The following HS3ST3A1 variants were observed in gnomAD, a reference collection of about 807,000 sequenced individuals.
HS3ST3A1 encodes the protein heparan sulfate-glucosamine 3-sulfotransferase 3A1.
Under a neutral mutation model 25.7 loss-of-function variants are expected in HS3ST3A1, and 19 were observed. That is an observed-to-expected ratio of 0.74 (90% CI 0.52 to 1.08). The LOEUF is 1.08. HS3ST3A1 is among the 50% of genes least tolerant of loss of function. HS3ST3A1 has a pLI of 0.00. For synonymous variants in HS3ST3A1, 226 were observed against 278.6 expected, an observed-to-expected ratio of 0.81 and a Z score of 1.88; for missense variants, 459 against 594.3, an observed-to-expected ratio of 0.77 and a Z score of 2.37.
At chr17:13,588,012 G>A (rs1306781879) in intron 1 of HS3ST3A1, among the ~76,000 whole-genome samples, 1 of 152,146 alleles carries the variant, frequency 6.6e-6, no homozygotes, top group African/African-American at 2.4e-5. Context: ...TTAGCTGCGG[G>A]TGCTCACCTG....
At position 13,601,293 on chromosome 17, in the gene HS3ST3A1, G is replaced by C. The variant is rs897569748; in HGVS notation, c.-164C>G. The C allele has an allele frequency of 5.6e-6, 3 of 537,890 alleles. No individual in the cohort carries two copies. The highest frequency in any genetic ancestry group is 9.4e-6 in the Non-Finnish European group (3 of 320,732). The allele number at this position is 537,890 out of a possible 1,614,324, so 33.3% of individuals were successfully genotyped here. A position where few individuals can be genotyped will look rare whatever the true frequency, so the allele number is the denominator to read the frequency against. On this transcript the variant is annotated 5_prime_UTR_variant, in exon 1 of 2. Coordinates refer to ENST00000284110, the MANE Select transcript of HS3ST3A1 (RefSeq NM_006042.3). Reference sequence around the variant, plus strand: ...CCCGGGAGGCAGCGGCCGGGGCTCCGCGGGGAAACGGAATCCCGGGGGCCC... The same window carrying C: ...CCCGGGAGGCAGCGGCCGGGGCTCCCCGGGGAAACGGAATCCCGGGGGCCC...
At chr17:13,547,845 G>C (rs1196344659) in intron 1 of HS3ST3A1, among the ~76,000 whole-genome samples, 1 of 151,390 alleles carries the variant, frequency 6.6e-6, no homozygotes, top group African/African-American at 2.4e-5. Context: ...TTAACTCCAG[G>C]GATAGGATGC....
At position 13,543,136 on chromosome 17, in the gene HS3ST3A1, G is replaced by A. The variant is rs538976470; in HGVS notation, c.600-46318C>T. On this transcript the variant is annotated intron_variant, in intron 1 of 1. Transcript: ENST00000284110. ...AGTGGGTCAACATAAGTGTTTCCCC[G>A]AGTTCTGTGAGCCACTCTAGCAAAT... Among the ~76,000 whole-genome samples, 10 of 152,252 alleles carry A rather than the reference G, an allele frequency of 6.6e-5. No homozygotes were observed. The East Asian group carries it at 1.2e-3, about 18-fold the overall frequency.
At chr17:13,515,777 T>G (rs896963951) in intron 1 of HS3ST3A1, among the ~76,000 whole-genome samples, 7 of 152,216 alleles carry the variant, frequency 4.6e-5, no homozygotes, top group African/African-American at 1.2e-4. Context: ...TGAGGGTTTC[T>G]TTTGCTCCAC....
intron 1 of HS3ST3A1, among the ~76,000 whole-genome samples, chr17:13,497,665 A>T (rs1338032705): frequency 6.6e-6 from 1 of 152,252 alleles, no homozygotes; most frequent in East Asian, 1.9e-4. Context: ...GTCAAAACAC[A>T]TGAACAGGAG....
chr17:13,551,980 C>G (rs1367619338), intron 1 of HS3ST3A1, among the ~76,000 whole-genome samples: 3 of 152,234 alleles, frequency 2.0e-5, no homozygotes, highest in Non-Finnish European at 4.4e-5. Context: ...TCTATTCCCA[C>G]CTGCACAGGA....
chr17:13,516,632 G>A (rs1370075918), intron 1 of HS3ST3A1, among the ~76,000 whole-genome samples: 2 of 152,144 alleles, frequency 1.3e-5, no homozygotes, highest in Non-Finnish European at 2.9e-5. Flanking sequence ...AATTTTTACT[G>A]TTATTGTGAA....
intron 1 of HS3ST3A1, among the ~76,000 whole-genome samples, chr17:13,552,407 T>C (rs1244347557): frequency 6.6e-6 from 1 of 152,170 alleles, no homozygotes; most frequent in African/African-American, 2.4e-5. Context: ...AATTTTCCCT[T>C]GGCTGACCAC....
intron 1 of HS3ST3A1, among the ~76,000 whole-genome samples, chr17:13,574,134 C>CTT (rs557193269): frequency 0.15 from 19,208 of 125,894 alleles, 1,870 homozygotes; most frequent in East Asian, 0.27. Flanking sequence ...CCATATCACT[C>CTT]TTTTTTTTTT....
chr17:13,546,231 C>A (rs546944817), intron 1 of HS3ST3A1, among the ~76,000 whole-genome samples: 1 of 152,112 alleles, frequency 6.6e-6, no homozygotes, highest in African/African-American at 2.4e-5. Flanking sequence ...CCTCTGAAAC[C>A]ATTTCTACAA....
At chr17:13,567,469 G>C (rs769707090) in intron 1 of HS3ST3A1, among the ~76,000 whole-genome samples, 10 of 152,190 alleles carry the variant, frequency 6.6e-5, no homozygotes, top group Non-Finnish European at 1.2e-4. Flanking sequence ...TACTTTGTAA[G>C]GCTATAGCTA....
At chr17:13,536,517 A>G (rs1006037033) in intron 1 of HS3ST3A1, among the ~76,000 whole-genome samples, 5 of 152,206 alleles carry the variant, frequency 3.3e-5, no homozygotes, top group African/African-American at 1.2e-4. Context: ...AAAAACAGGA[A>G]GGGGAAAGTT....
Position 13,496,295 on chromosome 17 carries a change from T to A in HS3ST3A1, c.1123A>T (p.Ile375Phe). 6.4e-7 allele frequency: 1 copy of A among 1,554,122 alleles called. No homozygotes were observed. The highest frequency in any genetic ancestry group is 8.7e-7 in the Non-Finnish European group (1 of 1,153,856). Residue 375 changes from isoleucine (I) to phenylalanine (F), a missense_variant, in exon 2 of 2, where the codon ATC becomes TTC. Ile to Phe is a conservative substitution (Grantham distance 21). Transcript: ENST00000284110. ...GKTKGRTHPEIDREVVRRLRE... is the reference protein window; with the variant it reads ...GKTKGRTHPEFDREVVRRLRE... ...AGCCTGCGCACCACCTCGCGGTCGATCTCAGGATGGGTCCTGCCCTTGGTC... is the reference window on the plus strand; with the variant it reads ...AGCCTGCGCACCACCTCGCGGTCGAACTCAGGATGGGTCCTGCCCTTGGTC...
chr17:13,543,413 A>G (rs1906991646), intron 1 of HS3ST3A1: 1 of 131,316 alleles, frequency 7.6e-6, no homozygotes. Context: ...AGTAGAGAAA[A>G]AATATTTTTT....
At position 13,571,431 on chromosome 17, in the gene HS3ST3A1, C is replaced by G. The variant is rs572450898; in HGVS notation, c.599+29100G>C. 4.5e-4 allele frequency among the ~76,000 whole-genome samples: 69 copies of G among 152,320 alleles called. 1 individual carries two copies. In the Middle Eastern group the frequency reaches 0.014, roughly 30 times the overall value. On this transcript the variant is annotated intron_variant, in intron 1 of 1. Transcript: ENST00000284110. ...GCATTATTTTAGCAAGTGCTCTACG[C>G]TTTGACGACTGCAGGAAGAAAATCG...
intron 1 of HS3ST3A1, among the ~76,000 whole-genome samples, chr17:13,548,762 G>A (rs572913501): frequency 5.9e-5 from 9 of 152,102 alleles, no homozygotes; most frequent in Admixed American, 2.0e-4. Context: ...ACCAATCAGC[G>A]TTCTTGTGTC....
chr17:13,526,740 C>T (rs1435089649), intron 1 of HS3ST3A1, among the ~76,000 whole-genome samples: 1 of 151,680 alleles, frequency 6.6e-6, no homozygotes, highest in East Asian at 1.9e-4. Flanking sequence ...CTCCGCCTCC[C>T]AGGTTCAAGC....
intron 1 of HS3ST3A1, among the ~76,000 whole-genome samples, chr17:13,563,620 C>G (rs569234751): frequency 6.6e-6 from 1 of 152,256 alleles, no homozygotes; most frequent in South Asian, 2.1e-4. Context: ...TCCAGAGGTT[C>G]TTTTAGCTCT....
intron 1 of HS3ST3A1, among the ~76,000 whole-genome samples, chr17:13,535,084 C>A (rs1906729992): frequency 6.6e-6 from 1 of 151,456 alleles, no homozygotes; most frequent in Non-Finnish European, 1.5e-5. Context: ...AATACTGAAC[C>A]AATGCTCCTA....
Sources: allele counts gnomAD v4.1 joint callset (sites outside exome capture counted in the v4.1 genomes callset), GRCh38; gene constraint gnomAD v4.1.1; transcripts MANE v1.5; gene names NCBI Gene and HGNC (gene_info 2026-07-23, HGNC 2026-07-21).